THADA: variants seen among roughly 807,000 people sequenced by gnomAD.
The protein encoded by THADA is tRNA (32-2'-O)-methyltransferase regulator THADA.
Under a neutral mutation model 219.8 loss-of-function variants are expected in THADA, and 213 were observed. The ratio of observed to expected loss-of-function variants is 0.97; its 90% CI spans 0.87 to 1.09. THADA has a LOEUF of 1.09. THADA is among the 50% of genes least tolerant of loss of function. The pLI is 0.00. For synonymous variants in THADA, 1,018 were observed against 828.9 expected, an observed-to-expected ratio of 1.23 and a Z score of -3.92; for missense variants, 2,956 against 2,311.3, an observed-to-expected ratio of 1.28 and a Z score of -5.72.
intron 29 of THADA, among the ~76,000 whole-genome samples, chr2:43,386,135 C>T (rs1310514444): frequency 6.6e-6 from 1 of 151,896 alleles, no homozygotes; most frequent in Non-Finnish European, 1.5e-5. Flanking sequence ...AACACACAAC[C>T]CACTAATTAA....
At chr2:43,546,119 A>G (rs1338864804) in intron 20 of THADA, among the ~76,000 whole-genome samples, 1 of 150,198 alleles carries the variant, frequency 6.7e-6, no homozygotes, top group Non-Finnish European at 1.5e-5. Flanking sequence ...TTCTGCCTTC[A>G]TTTCGTTATG....
At chr2:43,579,233 A>G (rs11899260) in intron 8 of THADA, among the ~76,000 whole-genome samples, 92,603 of 151,684 alleles carry the variant, frequency 0.61, 29,876 homozygotes, top group African/African-American at 0.82. Context: ...TTGCTTCCCA[A>G]AACACCTAAC....
intron 26 of THADA, among the ~76,000 whole-genome samples, chr2:43,442,149 AC>A (rs1680917519): frequency 6.6e-6 from 1 of 152,168 alleles, no homozygotes; most frequent in Non-Finnish European, 1.5e-5. Flanking sequence ...GAAATTGGAA[AC>A]CAAGTCCGGC....
At chr2:43,485,390 G>C (rs1390337667) in intron 25 of THADA, 65 bp from the exon 26 acceptor site, 3 of 1,118,086 alleles carry the variant, frequency 2.7e-6, no homozygotes, top group Non-Finnish European at 4.0e-6. Flanking sequence ...CGTTTACAAT[G>C]TTCAAACTAG....
chr2:43,592,268 G>T, intron 2 of THADA, 49 bp downstream of exon 2: 1 of 1,386,448 alleles, frequency 7.2e-7, no homozygotes, highest in Non-Finnish European at 9.9e-7. Context: ...AAAATACTCT[G>T]CTTGCAAACT....
At chr2:43,451,898 G>C (rs1371416652) in intron 26 of THADA, among the ~76,000 whole-genome samples, 2 of 152,166 alleles carry the variant, frequency 1.3e-5, no homozygotes, top group African/African-American at 4.8e-5. Flanking sequence ...CCTGAGGTCA[G>C]GGGTTCAAGA....
At chr2:43,555,619 C>G (rs1253845108) in intron 17 of THADA, among the ~76,000 whole-genome samples, 1 of 152,268 alleles carries the variant, frequency 6.6e-6, no homozygotes, top group East Asian at 1.9e-4. Context: ...CTCCATGGTA[C>G]TGTCACCTCT....
At chr2:43,585,583 G>T (rs1026660556) in intron 7 of THADA, among the ~76,000 whole-genome samples, 2 of 151,704 alleles carry the variant, frequency 1.3e-5, no homozygotes, top group South Asian at 2.1e-4. Context: ...TAGATAGAAA[G>T]AAATACATAA....
chr2:43,465,367 G>T (rs1185233702), intron 26 of THADA, among the ~76,000 whole-genome samples: 1 of 152,090 alleles, frequency 6.6e-6, no homozygotes. Flanking sequence ...ATGCAAGATG[G>T]CTCCACCTTC....
chr2:43,440,837 T>C (rs961644015), intron 26 of THADA, among the ~76,000 whole-genome samples: 1 of 152,224 alleles, frequency 6.6e-6, no homozygotes, highest in Non-Finnish European at 1.5e-5. Context: ...CTGACCATAA[T>C]ACCACTCTGA....
intron 29 of THADA, among the ~76,000 whole-genome samples, chr2:43,354,524 C>A (rs1485786872): frequency 6.6e-6 from 1 of 151,756 alleles, no homozygotes; most frequent in Non-Finnish European, 1.5e-5. Context: ...TCCTCCCCAG[C>A]CTCTGATAAC....
At chr2:43,464,117 T>A (rs1409506992) in intron 26 of THADA, among the ~76,000 whole-genome samples, 1 of 152,200 alleles carries the variant, frequency 6.6e-6, no homozygotes, top group African/African-American at 2.4e-5. Flanking sequence ...CACTTTTGTA[T>A]GCAACAGTTT....
intron 22 of THADA, among the ~76,000 whole-genome samples, chr2:43,514,199 C>T (rs1429591113): frequency 2.0e-5 from 3 of 151,698 alleles, no homozygotes; most frequent in Non-Finnish European, 4.4e-5. Flanking sequence ...CCTGTAATCC[C>T]AGCACTTTGG....
At chr2:43,439,913 G>A (rs1449641398) in intron 26 of THADA, among the ~76,000 whole-genome samples, 5 of 151,918 alleles carry the variant, frequency 3.3e-5, no homozygotes, top group East Asian at 1.9e-4. Context: ...TCATAAAATC[G>A]AAAGTCTTTT....
At chr2:43,268,340 A>C (rs1671758566) in intron 36 of THADA, among the ~76,000 whole-genome samples, 1 of 151,878 alleles carries the variant, frequency 6.6e-6, no homozygotes, top group South Asian at 2.1e-4. Flanking sequence ...ACAAACAGAC[A>C]CTCTGAAAGG....
At chr2:43,502,814 C>T (rs1340233099) in intron 24 of THADA, among the ~76,000 whole-genome samples, 5 of 151,584 alleles carry the variant, frequency 3.3e-5, no homozygotes, top group African/African-American at 4.8e-5. Context: ...TTCAAATAAT[C>T]AAAAAGAAAT....
intron 21 of THADA, chr2:43,538,509 T>C (rs1355627998): frequency 6.6e-6 from 1 of 152,220 alleles, no homozygotes; most frequent in Non-Finnish European, 1.5e-5. Context: ...GAATCAATCA[T>C]TTAAGAAAAA....
intron 29 of THADA, among the ~76,000 whole-genome samples, chr2:43,390,209 A>C (rs1017031858): frequency 6.6e-6 from 1 of 152,206 alleles, no homozygotes; most frequent in Admixed American, 6.5e-5. Context: ...TGATTCCAGA[A>C]GAAAAGGGTT....
chr2:43,320,524 C>A lies in THADA; in HGVS notation c.4360G>T (p.Val1454Leu), dbSNP rs373483202. 5.6e-6 allele frequency: 9 copies of A among 1,611,454 alleles called. No homozygotes were observed. The highest frequency in any genetic ancestry group is 5.1e-6 in the Non-Finnish European group (6 of 1,178,928). ...WLAKRQNPCL[V>L]TRAVYIDILF... ...ATATCAATATATACAGCTCTGGTCA[C>A]CAAACATGGATTTTGCCTAGAAAGG... is the stretch of plus-strand genomic sequence containing the variant. The change falls in exon 31 of 38, where the codon GTG (valine) becomes TTG (leucine). Residue 1454 changes from valine to leucine, a missense_variant. Val to Leu is a conservative substitution (Grantham distance 32). Transcript: ENST00000405975.
Sources: gnomAD v4.1 joint callset for allele counts (sites outside exome capture counted in the v4.1 genomes callset) on GRCh38, gnomAD v4.1.1 for gene constraint, MANE v1.5 for transcripts, NCBI Gene and HGNC (gene_info 2026-07-23, HGNC 2026-07-21) for gene names.